The following CSNK1D variants were observed in gnomAD, a reference collection of about 807,000 sequenced individuals.
The protein encoded by CSNK1D is casein kinase 1 delta.
CSNK1D carries 16 observed loss-of-function variants against 46.6 expected under a neutral mutation model. That is an observed-to-expected ratio of 0.34 (90% CI 0.23 to 0.52). The LOEUF is 0.52. Ranked by LOEUF, CSNK1D falls within the 20% of genes least tolerant of loss-of-function variation. The pLI, the probability that CSNK1D is intolerant of heterozygous loss-of-function variation, is 0.95. For missense variants in CSNK1D, 398 were observed against 578.4 expected (o/e 0.69, Z 3.20); for synonymous variants, 276 against 228.2 (o/e 1.21, Z -1.89).
rs1210170110 is a variant in CSNK1D, at chr17:82,248,783, G to A, written c.1197+92C>T. On this transcript the variant is annotated intron_variant, in intron 8 of 8. Coordinates refer to ENST00000314028, the MANE Select transcript of CSNK1D (RefSeq NM_001893.6). The surrounding 1 kb of genome is among the most constrained non-coding windows in gnomAD (Gnocchi z 4.1). ...AACTCTCAAAAATGGGGGGAAGAAA[G>A]GAAAGAAGAAGCCCTGGAGAAACCA... 2.0e-6 allele frequency: 3 copies of A among 1,537,790 alleles called. No homozygotes were observed. The highest frequency in any genetic ancestry group is 2.0e-5 in the Admixed American group (1 of 50,840).
At chr17:82,247,437 T>C (rs1044953896) in intron 8 of CSNK1D, 4 of 985,344 alleles carry the variant, frequency 4.1e-6, no homozygotes, top group Non-Finnish European at 4.8e-6. Flanking sequence ...CACTTTACTT[T>C]CTTTAAAAGA....
Position 82,251,413 on chromosome 17 carries a change from TAGG to T in CSNK1D, c.848_850del (p.Ser283del). ...CATGTTCCAGTCGAACACGTAGTCA[TAGG>T]AGAAGCCCTGGCGATGGAACAGATT... is the stretch of plus-strand genomic sequence containing the variant. On this transcript the variant is annotated inframe_deletion, in exon 6 of 9. Transcript: ENST00000314028. This position sits in a 1 kb window ranked among gnomAD's most constrained non-coding sequence, Gnocchi z 4.5. 6.2e-7 allele frequency: 1 copy of T among 1,614,098 alleles called. No individual in the cohort carries two copies. The highest frequency in any genetic ancestry group is 8.5e-7 in the Non-Finnish European group (1 of 1,180,020).
Position 82,250,284 on chromosome 17 carries a change from A to G in CSNK1D, c.886-682T>C. On this transcript the variant is annotated intron_variant, in intron 6 of 8. Transcript: ENST00000314028. The surrounding 1 kb of genome is among the most constrained non-coding windows in gnomAD (Gnocchi z 4.6). ...CCACTTCTTCCTGCAAGTACAGCTC[A>G]TTGGACACAGCCACGTTCACCAGGC... The G allele has an allele frequency of 9.2e-7, 1 of 1,083,766 alleles. No individual in the cohort carries two copies. Among genetic ancestry groups the G allele is most frequent in the Non-Finnish European group, 1.2e-6 (1 of 803,022 alleles). The allele number at this position is 1,083,766 out of a possible 1,614,324, so 67.1% of individuals were successfully genotyped here.
At chr17:82,258,088 T>C (rs1480638529) in intron 2 of CSNK1D, among the ~76,000 whole-genome samples, 1 of 150,848 alleles carries the variant, frequency 6.6e-6, no homozygotes, top group East Asian at 2.0e-4. Flanking sequence ...GTGTCTACAG[T>C]CCCAGCTACT....
intron 8 of CSNK1D, among the ~76,000 whole-genome samples, chr17:82,245,804 A>G (rs2050835440): frequency 6.6e-6 from 1 of 152,208 alleles, no homozygotes; most frequent in Non-Finnish European, 1.5e-5. Flanking sequence ...AAGACTGGGC[A>G]GCGGACTGCC....
At chr17:82,267,249 G>A (rs1447238466) in intron 1 of CSNK1D, among the ~76,000 whole-genome samples, 1 of 152,196 alleles carries the variant, frequency 6.6e-6, no homozygotes, top group African/African-American at 2.4e-5. Flanking sequence ...ATGGAGATCA[G>A]TGGTGAGGTC....
chr17:82,269,454 T>C (rs962252481), intron 1 of CSNK1D, among the ~76,000 whole-genome samples: 1 of 152,128 alleles, frequency 6.6e-6, no homozygotes, highest in Non-Finnish European at 1.5e-5. Flanking sequence ...TGGGGCCCTA[T>C]TGCATACCAG....
At position 82,243,563 on chromosome 17, in the gene CSNK1D, G is replaced by C; in HGVS notation, c.*1218C>G. 1 of 985,472 alleles carries C rather than the reference G, an allele frequency of 1.0e-6. No homozygotes were observed. 61.0% of individuals were successfully genotyped at this position (985,472 alleles called of 1,614,324 possible). A position where few individuals can be genotyped will look rare whatever the true frequency, so the allele number is the denominator to read the frequency against. On this transcript the variant is annotated 3_prime_UTR_variant, in exon 9 of 9. Coordinates refer to ENST00000314028, the MANE Select transcript of CSNK1D (RefSeq NM_001893.6). Reference sequence around the variant, plus strand: ...CTGACCAACAGACACGCGCCCAACAGAAGGTCACAGCGCAGACTCTACTTT... The same window carrying C: ...CTGACCAACAGACACGCGCCCAACACAAGGTCACAGCGCAGACTCTACTTT...
rs908689854 is a variant in CSNK1D at position 82,258,140 on chromosome 17, G to A, written c.188-2563C>T. ...GAGGATGGCTTAGGCCCAGGAAGTC[G>A]AGACTGCAGTGAGCCGTGATTGCAC... On this transcript the variant is annotated intron_variant, in intron 2 of 8. Coordinates refer to ENST00000314028, the MANE Select transcript of CSNK1D (RefSeq NM_001893.6). Among the ~76,000 whole-genome samples, 8 of 149,094 alleles carry A rather than the reference G, an allele frequency of 5.4e-5. No individual in the cohort carries two copies. The East Asian group carries it at 9.9e-4, about 18-fold the overall frequency.
In CSNK1D at chr17:82,243,057, C is replaced by T; in HGVS notation, c.*1724G>A. The T allele has an allele frequency of 2.0e-6, 2 of 985,466 alleles. No homozygotes were observed. The highest frequency in any genetic ancestry group is 2.4e-6 in the Non-Finnish European group (2 of 829,958). 61.0% of individuals were successfully genotyped at this position (985,466 alleles called of 1,614,324 possible). A position where few individuals can be genotyped will look rare whatever the true frequency, so the allele number is the denominator to read the frequency against. ...AAAATCTCTTAACTCGGCTCTGACC[C>T]ACCCCAACCTCCCTCTGTACTTCAA... On this transcript the variant is annotated 3_prime_UTR_variant, in exon 9 of 9. Transcript: ENST00000314028.
chr17:82,244,251 T>C lies in CSNK1D; in HGVS notation c.*530A>G. The C allele has an allele frequency of 2.8e-6, 3 of 1,085,352 alleles. No homozygotes were observed. Among genetic ancestry groups the C allele is most frequent in the Non-Finnish European group, 3.4e-6 (3 of 888,066 alleles). 67.2% of individuals were successfully genotyped at this position (1,085,352 alleles called of 1,614,324 possible). A position where few individuals can be genotyped will look rare whatever the true frequency, so the allele number is the denominator to read the frequency against. On this transcript the variant is annotated 3_prime_UTR_variant, in exon 9 of 9. Transcript: ENST00000314028. ...TTGAGATCCACCTGCACCTTCTCCC[T>C]GCCCGACTCCACCTCATACACTAAC...
intron 2 of CSNK1D, among the ~76,000 whole-genome samples, chr17:82,257,240 G>A (rs1229815062): frequency 6.6e-6 from 1 of 151,758 alleles, no homozygotes; most frequent in Non-Finnish European, 1.5e-5. Context: ...ATAACTTCTA[G>A]ATACTAAACC....
intron 1 of CSNK1D, 47 bp from the exon 2 acceptor site, chr17:82,265,843 A>C: frequency 7.0e-7 from 1 of 1,430,796 alleles, no homozygotes; most frequent in Non-Finnish European, 9.9e-7. Context: ...GGTATCCACC[A>C]AATAACCCAA....
At chr17:82,240,012 G>C, downstream of CSNK1D, 1 of 1,233,800 alleles carries the variant, frequency 8.1e-7, no homozygotes, top group East Asian at 3.2e-5. Flanking sequence ...GACGGCAGCG[G>C]GTGCCCTGGC....
At chr17:82,245,635 C>T (rs746179876) in intron 8 of CSNK1D, 6 of 364,600 alleles carry the variant, frequency 1.6e-5, no homozygotes, top group Non-Finnish European at 2.6e-5. Context: ...AACTCAAGTG[C>T]TCGGGGCACC....
chr17:82,266,143 G>C (rs1419850172), intron 1 of CSNK1D, among the ~76,000 whole-genome samples: 1 of 152,160 alleles, frequency 6.6e-6, no homozygotes, highest in East Asian at 1.9e-4. Context: ...GCCCGCCCCA[G>C]ACAGCCTGTG....
At position 82,243,294 on chromosome 17, in the gene CSNK1D, G is replaced by A. The variant is rs960211090; in HGVS notation, c.*1487C>T. 16 of 985,406 alleles carry A rather than the reference G, an allele frequency of 1.6e-5. No individual in the cohort carries two copies. In the African/African-American group the frequency reaches 2.8e-4, roughly 17 times the overall value. The allele number at this position is 985,406 out of a possible 1,614,324, so 61.0% of individuals were successfully genotyped here. ...CAAGGTGCACACCTTCGAAGCCCTAGAGTCCAAAGGGAACATCGTCCATCG... is the reference window on the plus strand; with the variant it reads ...CAAGGTGCACACCTTCGAAGCCCTAAAGTCCAAAGGGAACATCGTCCATCG... On this transcript the variant is annotated 3_prime_UTR_variant, in exon 9 of 9. Transcript: ENST00000314028.
rs2050901029 is a variant in CSNK1D at position 82,248,255 on chromosome 17, CA to C, written c.1197+619del. 1.1e-5 allele frequency: 11 copies of C among 986,292 alleles called. No homozygotes were observed. Among genetic ancestry groups the C allele is most frequent in the Non-Finnish European group, 1.3e-5 (11 of 830,494 alleles). 61.1% of individuals were successfully genotyped at this position (986,292 alleles called of 1,614,324 possible). A position where few individuals can be genotyped will look rare whatever the true frequency, so the allele number is the denominator to read the frequency against. On this transcript the variant is annotated intron_variant, in intron 8 of 8. Coordinates refer to ENST00000314028, the MANE Select transcript of CSNK1D (RefSeq NM_001893.6). The surrounding 1 kb of genome is among the most constrained non-coding windows in gnomAD (Gnocchi z 4.1). ...AGTTCAAAGAGCACGTTAGCAAACG[CA>C]AAAGACAACAAAAGCCAGAGCGAGG...
downstream of CSNK1D, among the ~76,000 whole-genome samples, chr17:82,240,339 C>G (rs142874756): frequency 2.0e-5 from 3 of 152,206 alleles, no homozygotes; most frequent in African/African-American, 7.2e-5. Flanking sequence ...AGGGAGCAGA[C>G]GAGGAGGTGG....
Sources: gnomAD v4.1 joint callset for allele counts (sites outside exome capture counted in the v4.1 genomes callset) on GRCh38, gnomAD v4.1.1 for gene constraint, Gnocchi (gnomAD v3.1) non-coding constraint, MANE v1.5 for transcripts, NCBI Gene and HGNC (gene_info 2026-07-23, HGNC 2026-07-21) for gene names.